The following KRT9 variants were observed in gnomAD, a reference collection of about 807,000 sequenced individuals.
KRT9 encodes keratin 9.
A neutral mutation model predicts 51.4 loss-of-function variants in KRT9; 34 were observed. The observed-to-expected ratio is 0.66, with a 90% CI of 0.50 to 0.88. The LOEUF (loss-of-function observed/expected upper bound fraction) is 0.88, where lower values mean the gene tolerates loss of function less well. KRT9 is among the 40% of genes least tolerant of loss of function. KRT9 has a pLI of 0.00. For missense variants in KRT9, 753 were observed against 790.3 expected (o/e 0.95, Z 0.57); for synonymous variants, 292 against 289.7 (o/e 1.01, Z -0.08).
chr17:41,569,059 C>G (rs184361753), intron 4 of KRT9, among the ~76,000 whole-genome samples: 1 of 152,184 alleles, frequency 6.6e-6, no homozygotes, highest in Non-Finnish European at 1.5e-5. Context: ...GGGAGACACA[C>G]TGTATCCCTC....
At chr17:41,566,954 C>G (rs746141867) in intron 7 of KRT9, among the ~76,000 whole-genome samples, 8 of 152,170 alleles carry the variant, frequency 5.3e-5, no homozygotes, top group Non-Finnish European at 1.2e-4. Context: ...ATAATAAAAC[C>G]TACCTCATAG....
chr17:41,571,754 C>G lies in KRT9; in HGVS notation c.239G>C (p.Gly80Ala). ...ACCGCCTAAACTACTGGCACTAAAACCACCCCCAGATCCTCCGCCGTAGCT... is the reference window on the plus strand; with the variant it reads ...ACCGCCTAAACTACTGGCACTAAAAGCACCCCCAGATCCTCCGCCGTAGCT... Reference protein sequence around the residue: ...GYSYGGGSGGGFSASSLGGGF... With the variant: ...GYSYGGGSGGAFSASSLGGGF... Residue 80 changes from glycine to alanine, a missense_variant, in exon 1 of 8, where the codon GGT becomes GCT. Transcript: ENST00000246662. The G allele has an allele frequency of 6.2e-7, 1 of 1,613,784 alleles. No homozygotes were observed. Among genetic ancestry groups the G allele is most frequent in the Non-Finnish European group, 8.5e-7 (1 of 1,179,932 alleles).
chr17:41,566,818 C>A (rs1008882735), intron 7 of KRT9, among the ~76,000 whole-genome samples: 7 of 152,218 alleles, frequency 4.6e-5, no homozygotes, highest in Admixed American at 2.0e-4. Flanking sequence ...TGATCCAGGT[C>A]CCCCATCCTC....
At chr17:41,566,362 A>G (rs1906875116) in intron 7 of KRT9, among the ~76,000 whole-genome samples, 1 of 152,162 alleles carries the variant, frequency 6.6e-6, no homozygotes, top group Non-Finnish European at 1.5e-5. Flanking sequence ...AACCTGACAG[A>G]TGCACCCCCA....
rs746754973 is a variant in KRT9, at chr17:41,568,414, G to A, written c.1171-29C>T. On this transcript the variant is annotated intron_variant, in intron 5 of 7. Transcript: ENST00000246662. ...AGGGTTAGGAGAAGGCTTTAAGAGG[G>A]ATGCTACATCATAACTCCTCTTCTT... The A allele has an allele frequency of 3.7e-6, 6 of 1,613,554 alleles. No homozygotes were observed. The African/African-American group carries it at 4.0e-5, about 11-fold the overall frequency.
chr17:41,570,655 T>C (rs1266330169), intron 1 of KRT9, among the ~76,000 whole-genome samples: 1 of 152,116 alleles, frequency 6.6e-6, no homozygotes, highest in African/African-American at 2.4e-5. Context: ...AATAAATAAA[T>C]GGAAGAGGTT....
rs1025950250 is a variant in KRT9, at chr17:41,569,679, G to C, written c.883-92C>G. ...CTCTGGTCCCCCCAGGGTACAAAAA[G>C]GGGACACAGTTGTGAAGCCAAAGCC... On this transcript the variant is annotated intron_variant, in intron 3 of 7. Coordinates refer to ENST00000246662, the MANE Select transcript of KRT9 (RefSeq NM_000226.4). 3.2e-6 allele frequency: 5 copies of C among 1,558,402 alleles called. No homozygotes were observed. The African/African-American group carries it at 6.8e-5, about 21-fold the overall frequency.
Position 41,567,734 on chromosome 17 carries a change from C to T in KRT9, c.1411G>A (p.Gly471Arg), listed in dbSNP as rs1484183890. The T allele has an allele frequency of 1.2e-6, 2 of 1,614,220 alleles. No homozygotes were observed. Among genetic ancestry groups the T allele is most frequent in the South Asian group, 2.2e-5 (2 of 91,082 alleles). The change falls in exon 7 of 8, where the codon GGA (glycine) becomes AGA (arginine). Residue 471 changes from glycine (G) to arginine (R), a missense_variant. This residue lies in a region of KRT9 where 507 missense variants were observed against 563.7 expected (regional missense o/e 0.90). Coordinates refer to ENST00000246662, the MANE Select transcript of KRT9 (RefSeq NM_000226.4). Reference protein sequence around the residue: ...GQEDFESSGAGKIGLGGRGGS... With the variant: ...GQEDFESSGARKIGLGGRGGS... ...CCTCGACCTCCAAGGCCAATTTTTC[C>T]AGCTCCGGAGGATTCACTAAGAAAG...
chr17:41,566,570 G>A (rs1906882632), intron 7 of KRT9, among the ~76,000 whole-genome samples: 1 of 152,206 alleles, frequency 6.6e-6, no homozygotes, highest in Admixed American at 6.5e-5. Flanking sequence ...TCTTCTCTGA[G>A]CTAAACATTC....
Position 41,569,989 on chromosome 17 carries a change from T to C in KRT9, c.752A>G (p.Gln251Arg). The change falls in exon 3 of 8, where the codon CAA becomes CGA. Residue 251 changes from glutamine (Q) to arginine (R), a missense_variant. Coordinates refer to ENST00000246662, the MANE Select transcript of KRT9 (RefSeq NM_000226.4). The stretch of plus-strand genomic sequence containing the variant: ...GCCATTGATGTCAGCATCCACTCCT[T>C]GCCGCAGGTTTTGCTCCATCTCAAA... ...IKFEMEQNLR[Q>R]GVDADINGLR... 1 of 1,614,188 alleles carries C rather than the reference T, an allele frequency of 6.2e-7. No homozygotes were observed. Among genetic ancestry groups the C allele is most frequent in the Non-Finnish European group, 8.5e-7 (1 of 1,180,028 alleles).
rs748668428 is a variant in KRT9 at position 41,569,873 on chromosome 17, T to C, written c.868A>G (p.Lys290Glu). Residue 290 changes from lysine (K) to glutamate (E), a missense_variant, in exon 3 of 8, where the codon AAG becomes GAG. This residue lies in a region of KRT9 where 507 missense variants were observed against 563.7 expected (regional missense o/e 0.90). Transcript: ENST00000246662. ...TLQEELMALK[K>E]NHKEEMSQLT... ...CAGCAACCTACCTCCTTATGATTCT[T>C]CTTGAGGGCCATCAGCTCCTCCTGC... The C allele has an allele frequency of 4.3e-6, 7 of 1,614,040 alleles. No individual in the cohort carries two copies. The Admixed American group carries it at 8.3e-5, about 19-fold the overall frequency.
Position 41,571,415 on chromosome 17 carries a change from C to T in KRT9, c.578G>A (p.Gly193Glu), listed in dbSNP as rs142413684. 100 of 1,613,958 alleles carry T rather than the reference C, an allele frequency of 6.2e-5. 2 individuals carry two copies. The South Asian group carries it at 1.0e-3, about 16-fold the overall frequency. The change falls in exon 1 of 8, where the codon GGA becomes GAA. Residue 193 changes from glycine (G) to glutamate (E), a missense_variant. Physicochemically the swap from Gly to Glu is moderately conservative, Grantham distance 98. This residue lies in a region of KRT9 where 507 missense variants were observed against 563.7 expected (regional missense o/e 0.90). Coordinates refer to ENST00000246662, the MANE Select transcript of KRT9 (RefSeq NM_000226.4). ...GTAGTTCTTCTGGATAGCAGCAGGT[C>T]CCTTCTTGTCGTACCAATCCTGGAT... Reference protein sequence around the residue: ...NKIQDWYDKKGPAAIQKNYSP... With the variant: ...NKIQDWYDKKEPAAIQKNYSP...
chr17:41,567,689 C>A lies in KRT9; in HGVS notation c.1456G>T (p.Gly486Ter). 1 of 1,613,912 alleles carries A rather than the reference C, an allele frequency of 6.2e-7. No individual in the cohort carries two copies. ...CCACTTCCTCCCCTGGATCCTCTTC[C>A]ATAACTGCCTCCACTTCCTCCTCGA... Reference protein sequence around the residue: ...GGRGGSGGSYGRGSRGGSGGS... With the variant: ...GGRGGSGGSY The change falls in exon 7 of 8, where the codon GGA (glycine) becomes TGA (stop). Residue 486 changes from glycine (G) to a stop codon, truncating the protein, a stop_gained. Coordinates refer to ENST00000246662, the MANE Select transcript of KRT9 (RefSeq NM_000226.4). LOFTEE classifies it high-confidence loss of function.
At position 41,571,412 on chromosome 17, in the gene KRT9, G is replaced by T. The variant is rs1457237377; in HGVS notation, c.581C>A (p.Pro194His). ...KIQDWYDKKG[P>H]AAIQKNYSPY... is the part of the protein sequence containing the mutation. ...GGAGTAGTTCTTCTGGATAGCAGCA[G>T]GTCCCTTCTTGTCGTACCAATCCTG... Residue 194 changes from proline to histidine, a missense_variant, in exon 1 of 8, where the codon CCT becomes CAT. Pro to His is a moderately conservative substitution (Grantham distance 77, BLOSUM62 -2). Transcript: ENST00000246662. The T allele has an allele frequency of 1.2e-6, 2 of 1,614,048 alleles. No individual in the cohort carries two copies. Among genetic ancestry groups the T allele is most frequent in the Non-Finnish European group, 1.7e-6 (2 of 1,180,004 alleles).
chr17:41,567,577 C>T lies in KRT9; in HGVS notation c.1568G>A (p.Gly523Glu). 6.4e-7 allele frequency: 1 copy of T among 1,555,278 alleles called. No individual in the cohort carries two copies. The highest frequency in any genetic ancestry group is 8.7e-7 in the Non-Finnish European group (1 of 1,149,382). Residue 523 changes from glycine (G) to glutamate (E), a missense_variant, in exon 7 of 8, where the codon GGA becomes GAA. Physicochemically the swap from Gly to Glu is moderately conservative, Grantham distance 98. This residue lies in a region of KRT9 where 507 missense variants were observed against 563.7 expected (regional missense o/e 0.90). Transcript: ENST00000246662. The part of the protein sequence containing the change: ...RGGSGGSYGG[G>E]SGSGGGSGGG... ...TCCACTACCTCCTCCAGAACCACTTCCTCCACCGTAGCTGCCTCCACTTCC... is the reference window on the plus strand; with the variant it reads ...TCCACTACCTCCTCCAGAACCACTTTCTCCACCGTAGCTGCCTCCACTTCC...
chr17:41,571,585 G>A lies in KRT9; in HGVS notation c.408C>T (p.Gly136=), dbSNP rs1907082375. ...CACCTCCTCCAGCACCACCTCCAAAGCCCCCAAACCCCCCAAACCCACTCC... is the reference window on the plus strand; with the variant it reads ...CACCTCCTCCAGCACCACCTCCAAAACCCCCAAACCCCCCAAACCCACTCC... The part of the protein sequence containing the change: ...GYGSGFGGFG[G]FGGGAGGGDG... The change falls in exon 1 of 8, where the codon GGC becomes GGT. Residue 136 remains glycine, a synonymous_variant. Transcript: ENST00000246662. 1 of 1,599,580 alleles carries A rather than the reference G, an allele frequency of 6.3e-7. No individual in the cohort carries two copies.
intron 7 of KRT9, 57 bp downstream of exon 7, chr17:41,567,173 CAAA>C (rs11313278): frequency 1.9e-5 from 27 of 1,435,702 alleles, no homozygotes; most frequent in Middle Eastern, 2.3e-4. Context: ...CAAAAATACT[CAAA>C]AAAAAAAAAA....
chr17:41,568,868 TTCTAA>T (rs537775566), intron 4 of KRT9, among the ~76,000 whole-genome samples: 32 of 147,822 alleles, frequency 2.2e-4, no homozygotes, highest in Admixed American at 1.4e-3. Context: ...ACAACCATCT[TTCTAA>T]TCTAACCTTA....
At chr17:41,570,400 G>T (rs1907043051) in intron 1 of KRT9, among the ~76,000 whole-genome samples, 180 bp from the exon 2 acceptor site, 1 of 152,232 alleles carries the variant, frequency 6.6e-6, no homozygotes, top group African/African-American at 2.4e-5. Flanking sequence ...AAGATGTTTG[G>T]TGTGGCCTTC....
Sources: allele counts gnomAD v4.1 joint callset (sites outside exome capture counted in the v4.1 genomes callset), GRCh38; gene constraint gnomAD v4.1.1; regional missense constraint gnomAD v4.1.1; transcripts MANE v1.5; gene names NCBI Gene and HGNC (gene_info 2026-07-23, HGNC 2026-07-21).